VPS13B: variants seen among roughly 807,000 people sequenced by gnomAD.
The protein encoded by VPS13B is intermembrane lipid transfer protein VPS13B.
In VPS13B, 285 loss-of-function variants were observed where a neutral mutation model predicts 426.4. That is an observed-to-expected ratio of 0.67 (90% CI 0.61 to 0.74). The LOEUF (loss-of-function observed/expected upper bound fraction) is 0.74, where lower values mean the gene tolerates loss of function less well. VPS13B is among the 30% of genes least tolerant of loss of function. The pLI is 0.00. For synonymous variants in VPS13B, 1,676 were observed against 1,676.4 expected (o/e 1.00, Z 0.01); for missense variants, 4,537 against 4,782.6 (o/e 0.95, Z 1.51).
In VPS13B at chr8:99,835,341, C is replaced by T. The variant is rs948072532; in HGVS notation, c.9742+17C>T. On this transcript the variant is annotated intron_variant, in intron 53 of 61. Transcript: ENST00000357162. Reference sequence around the variant, plus strand: ...ACATTAAAGGTATGTTTTATACTATCGAATTTAGATAATACTAAATGTGTA... The same window carrying T: ...ACATTAAAGGTATGTTTTATACTATTGAATTTAGATAATACTAAATGTGTA... 3 of 1,602,882 alleles carry T rather than the reference C, an allele frequency of 1.9e-6. No individual in the cohort carries two copies. The highest frequency in any genetic ancestry group is 1.7e-5 in the Admixed American group (1 of 59,904).
chr8:99,341,145 G>T, intron 19 of VPS13B: 1 of 264,286 alleles, frequency 3.8e-6, no homozygotes, highest in Non-Finnish European at 7.5e-6. Flanking sequence ...TTATTATAAT[G>T]CACCTTCATG....
intron 27 of VPS13B, among the ~76,000 whole-genome samples, chr8:99,506,041 T>C (rs950077897): frequency 3.3e-5 from 5 of 152,212 alleles, no homozygotes; most frequent in Non-Finnish European, 5.9e-5. Context: ...TATTTTATAT[T>C]TGTTAAGATG....
intron 17 of VPS13B, among the ~76,000 whole-genome samples, chr8:99,215,195 T>C (rs1377461560): frequency 6.6e-6 from 1 of 152,200 alleles, no homozygotes. Context: ...TGTAAATAGT[T>C]TACAAATTCT....
chr8:99,085,779 C>A (rs1845745642), intron 3 of VPS13B, among the ~76,000 whole-genome samples: 1 of 152,170 alleles, frequency 6.6e-6, no homozygotes, highest in African/African-American at 2.4e-5. Context: ...ATATTGGCCC[C>A]ACTTTCTTCT....
chr8:99,555,784 T>C (rs138176181), intron 30 of VPS13B, among the ~76,000 whole-genome samples: 3 of 152,280 alleles, frequency 2.0e-5, no homozygotes, highest in African/African-American at 4.8e-5. Flanking sequence ...GTGGACCCAA[T>C]AGGATCAACG....
chr8:99,860,169 G>T (rs373744401), intron 57 of VPS13B, among the ~76,000 whole-genome samples: 1 of 152,212 alleles, frequency 6.6e-6, no homozygotes, highest in Non-Finnish European at 1.5e-5. Context: ...AAAGGCATCT[G>T]ACTATAGGCC....
At chr8:99,473,628 A>C (rs555541160) in intron 24 of VPS13B, among the ~76,000 whole-genome samples, 2 of 152,182 alleles carry the variant, frequency 1.3e-5, no homozygotes, top group South Asian at 2.1e-4. Context: ...TCTGCTTTCA[A>C]TTCTATTCTG....
At chr8:99,732,632 G>C (rs1833654172) in intron 39 of VPS13B, among the ~76,000 whole-genome samples, 2 of 152,208 alleles carry the variant, frequency 1.3e-5, no homozygotes, top group African/African-American at 4.8e-5. Context: ...CACCCACCCA[G>C]TAAACTGCTT....
At chr8:99,382,787 C>T (rs991301202) in intron 19 of VPS13B, among the ~76,000 whole-genome samples, 1 of 152,154 alleles carries the variant, frequency 6.6e-6, no homozygotes, top group African/African-American at 2.4e-5. Flanking sequence ...TTTCTCTCTT[C>T]CTATCTGGAT....
intron 15 of VPS13B, among the ~76,000 whole-genome samples, chr8:99,164,379 G>A (rs539670397): frequency 4.7e-4 from 71 of 152,152 alleles, no homozygotes; most frequent in African/African-American, 1.5e-3. Context: ...TGTAAACGCC[G>A]GGCAGCATCT....
chr8:99,702,417 G>A (rs923925707), intron 36 of VPS13B, among the ~76,000 whole-genome samples: 10 of 152,146 alleles, frequency 6.6e-5, no homozygotes, highest in Non-Finnish European at 1.0e-4. Flanking sequence ...AGTGACAAAA[G>A]TAGTCATCTC....
At chr8:99,191,452 C>T (rs1263211690) in intron 16 of VPS13B, among the ~76,000 whole-genome samples, 8 of 139,886 alleles carry the variant, frequency 5.7e-5, no homozygotes, top group East Asian at 2.1e-4. Flanking sequence ...AGCGCGATCT[C>T]GGCTCACTGC....
In VPS13B at chr8:99,452,318, C is replaced by G. The variant is rs1588394095; in HGVS notation, c.3445+9683C>G. 3.3e-5 allele frequency among the ~76,000 whole-genome samples: 5 copies of G among 152,300 alleles called. No homozygotes were observed. In the South Asian group the frequency reaches 1.0e-3, roughly 32 times the overall value. On this transcript the variant is annotated intron_variant, in intron 23 of 61. Coordinates refer to ENST00000357162, the MANE Select transcript of VPS13B (RefSeq NM_152564.5). ...AGGGCATTTCATTTATCAGGTCCCT[C>G]CAACTCTGTGCTGTCTTTGTACTCC...
chr8:99,871,252 T>C, intron 60 of VPS13B, 196 bp from the exon 61 acceptor site: 2 of 831,594 alleles, frequency 2.4e-6, no homozygotes, highest in South Asian at 3.3e-5. Context: ...GAAATCTTTG[T>C]TCCCAGGAGG....
intron 19 of VPS13B, among the ~76,000 whole-genome samples, chr8:99,379,197 C>T (rs559448408): frequency 6.6e-6 from 1 of 152,186 alleles, no homozygotes; most frequent in East Asian, 1.9e-4. Context: ...ACCATTCCTC[C>T]ACCCCCCAAA....
intron 17 of VPS13B, among the ~76,000 whole-genome samples, chr8:99,211,878 G>A (rs183623496): frequency 2.2e-4 from 33 of 152,124 alleles, no homozygotes; most frequent in African/African-American, 7.7e-4. Context: ...AAGCAATTGT[G>A]CAATTTTATT....
At chr8:99,148,889 A>T (rs1009592511) in intron 14 of VPS13B, among the ~76,000 whole-genome samples, 1 of 152,264 alleles carries the variant, frequency 6.6e-6, no homozygotes, top group Non-Finnish European at 1.5e-5. Context: ...AGCTTAGCGC[A>T]TATGTGGAAA....
intron 17 of VPS13B, among the ~76,000 whole-genome samples, chr8:99,202,812 G>A (rs1190666877): frequency 1.3e-5 from 2 of 152,026 alleles, no homozygotes; most frequent in Non-Finnish European, 2.9e-5. Flanking sequence ...GGTGGATCAC[G>A]AGGTCAGGAG....
At chr8:99,728,239 G>T (rs575547175) in intron 39 of VPS13B, among the ~76,000 whole-genome samples, 5 of 152,312 alleles carry the variant, frequency 3.3e-5, no homozygotes, top group African/African-American at 1.2e-4. Context: ...GCTAGATCTT[G>T]AATGATGGTT....
Sources: allele counts gnomAD v4.1 joint callset (sites outside exome capture counted in the v4.1 genomes callset), GRCh38; gene constraint gnomAD v4.1.1; transcripts MANE v1.5; gene names NCBI Gene and HGNC (gene_info 2026-07-23, HGNC 2026-07-21).